CSMD1: variants seen among roughly 807,000 people sequenced by gnomAD.
CSMD1 encodes CUB and sushi domain-containing protein 1.
Under a neutral mutation model 417.5 loss-of-function variants are expected in CSMD1, and 213 were observed. That is an observed-to-expected ratio of 0.51 (90% CI 0.46 to 0.57). The LOEUF (loss-of-function observed/expected upper bound fraction) is 0.57. CSMD1 is among the 20% of genes least tolerant of loss of function. The pLI, the probability that CSMD1 is intolerant of heterozygous loss-of-function variation, is 0.00. For missense variants in CSMD1, 6,923 were observed against 4,529.7 expected (o/e 1.53, Z -15.17); for synonymous variants, 2,862 against 1,736.8 (o/e 1.65, Z -16.11).
At chr8:4,747,339 G>T (rs868727319) in intron 1 of CSMD1, among the ~76,000 whole-genome samples, 1 of 152,130 alleles carries the variant, frequency 6.6e-6, no homozygotes, top group African/African-American at 2.4e-5. Context: ...TGAAGAATTT[G>T]CTATATGATA....
At chr8:4,203,094 T>C (rs1799758737) in intron 3 of CSMD1, among the ~76,000 whole-genome samples, 1 of 152,204 alleles carries the variant, frequency 6.6e-6, no homozygotes. Flanking sequence ...CTTGCAGTTA[T>C]CTGTGTGGGT....
chr8:3,371,235 G>C (rs999385931), intron 18 of CSMD1, among the ~76,000 whole-genome samples: 1 of 152,102 alleles, frequency 6.6e-6, no homozygotes. Context: ...AATAAATCCT[G>C]GTTCTGTTTC....
In CSMD1 at chr8:3,947,581, G is replaced by A. The variant is rs182731213; in HGVS notation, c.818+50322C>T. Among the ~76,000 whole-genome samples, 3 of 152,192 alleles carry A rather than the reference G, an allele frequency of 2.0e-5. No homozygotes were observed. In the East Asian group the frequency reaches 5.8e-4, roughly 29 times the overall value. ...TATATTTGGAAATTAAATAAACCATGGGTTATATAGAAGTGTTTTGTTTAG... is the reference window on the plus strand; with the variant it reads ...TATATTTGGAAATTAAATAAACCATAGGTTATATAGAAGTGTTTTGTTTAG... On this transcript the variant is annotated intron_variant, in intron 5 of 69. Transcript: ENST00000635120.
intron 3 of CSMD1, among the ~76,000 whole-genome samples, chr8:4,032,317 A>G (rs1001122901): frequency 6.6e-6 from 1 of 152,230 alleles, no homozygotes. Context: ...AAGTGTAAAT[A>G]AATGCATTTT....
At chr8:4,030,591 G>T (rs1255553622) in intron 4 of CSMD1, among the ~76,000 whole-genome samples, 2 of 152,184 alleles carry the variant, frequency 1.3e-5, no homozygotes, top group Non-Finnish European at 2.9e-5. Context: ...AGACCTCCAG[G>T]CCTGTGATGG....
At chr8:3,303,476 C>G (rs1011855534) in intron 25 of CSMD1, among the ~76,000 whole-genome samples, 5 of 152,130 alleles carry the variant, frequency 3.3e-5, no homozygotes, top group Non-Finnish European at 7.3e-5. Context: ...ACCTTGATAC[C>G]TTTTTGATAT....
intron 1 of CSMD1, among the ~76,000 whole-genome samples, chr8:4,691,220 C>T (rs1563150931): frequency 6.6e-6 from 1 of 152,266 alleles, no homozygotes; most frequent in East Asian, 1.9e-4. Context: ...TAGGGATGGG[C>T]TGGTGAGCAG....
chr8:3,449,520 ATTTT>A (rs59420305), intron 12 of CSMD1, among the ~76,000 whole-genome samples: 17 of 146,012 alleles, frequency 1.2e-4, no homozygotes, highest in African/African-American at 4.3e-4. Flanking sequence ...CATGACAGCA[ATTTT>A]TTTTTTTTTT....
At chr8:3,097,122 G>GTCAATGAAAGGAAAAAGCAATC in intron 46 of CSMD1, 85 bp from the exon 47 acceptor site, 1 of 1,110,192 alleles carries the variant, frequency 9.0e-7, no homozygotes, top group Non-Finnish European at 1.2e-6. Flanking sequence ...GTATAAACAA[G>GTCAATGAAAGGAAAAAGCAATC]TCAATGAAAG....
intron 10 of CSMD1, among the ~76,000 whole-genome samples, chr8:3,566,565 T>C (rs536124394): frequency 6.1e-5 from 9 of 147,436 alleles, no homozygotes; most frequent in African/African-American, 1.2e-4. Context: ...TGAAGGTTTA[T>C]TGAAAAAGAA....
intron 5 of CSMD1, among the ~76,000 whole-genome samples, chr8:3,760,060 G>T (rs1179034641): frequency 6.6e-6 from 1 of 152,100 alleles, no homozygotes; most frequent in Admixed American, 6.6e-5. Flanking sequence ...AGCTTGCCAG[G>T]TCAGGGATAT....
chr8:4,057,551 G>A (rs79121827), intron 3 of CSMD1, among the ~76,000 whole-genome samples: 3 of 151,806 alleles, frequency 2.0e-5, no homozygotes, highest in Non-Finnish European at 2.9e-5. Flanking sequence ...GATCCCATTT[G>A]TCAATTTTGG....
chr8:4,234,747 T>C (rs541924336), intron 3 of CSMD1, among the ~76,000 whole-genome samples: 1 of 152,136 alleles, frequency 6.6e-6, no homozygotes, highest in Admixed American at 6.5e-5. Flanking sequence ...ACTGGAGTCG[T>C]GGCTGCTCCC....
At chr8:3,816,218 AG>A (rs1388604559) in intron 5 of CSMD1, among the ~76,000 whole-genome samples, 1 of 152,176 alleles carries the variant, frequency 6.6e-6, no homozygotes, top group Non-Finnish European at 1.5e-5. Context: ...TTCAGACAGA[AG>A]GGCACGTGTT....
chr8:3,416,946 C>T lies in CSMD1; in HGVS notation c.1562-7341G>A, dbSNP rs1328846443. ...TTCTAAAATTAGGTTCACCCATAGT[C>T]ATGTATATGAACAGCAATTTCTCTA... On this transcript the variant is annotated intron_variant, in intron 12 of 69. Coordinates refer to ENST00000635120, the MANE Select transcript of CSMD1 (RefSeq NM_033225.6). Among the ~76,000 whole-genome samples, 3 of 152,328 alleles carry T rather than the reference C, an allele frequency of 2.0e-5. No individual in the cohort carries two copies. In the East Asian group the frequency reaches 5.8e-4, roughly 29 times the overall value.
At chr8:3,565,805 C>G (rs1744883979) in intron 10 of CSMD1, among the ~76,000 whole-genome samples, 2 of 151,808 alleles carry the variant, frequency 1.3e-5, no homozygotes, top group South Asian at 4.1e-4. Context: ...CCTGAGATAT[C>G]TCTCAAATAT....
chr8:3,909,614 G>A (rs770326179), intron 5 of CSMD1, among the ~76,000 whole-genome samples: 20 of 152,006 alleles, frequency 1.3e-4, no homozygotes, highest in Non-Finnish European at 2.5e-4. Flanking sequence ...CCTCTGTTAG[G>A]CTCAGGAGCT....
At chr8:4,357,765 A>C (rs2128905515) in intron 3 of CSMD1, among the ~76,000 whole-genome samples, 1 of 152,282 alleles carries the variant, frequency 6.6e-6, no homozygotes, top group South Asian at 2.1e-4. Flanking sequence ...GTAAAAGAAA[A>C]ATGAAAAGAA....
chr8:4,225,951 A>T (rs778447612), intron 3 of CSMD1, among the ~76,000 whole-genome samples: 2 of 152,090 alleles, frequency 1.3e-5, no homozygotes, highest in Non-Finnish European at 2.9e-5. Flanking sequence ...TTGAATGTGA[A>T]TTTCATGTTG....
Sources: allele counts gnomAD v4.1 joint callset (sites outside exome capture counted in the v4.1 genomes callset), GRCh38; gene constraint gnomAD v4.1.1; transcripts MANE v1.5; gene names NCBI Gene and HGNC (gene_info 2026-07-23, HGNC 2026-07-21).